STK32B: variants seen among roughly 807,000 people sequenced by gnomAD.
STK32B encodes the protein serine/threonine kinase 32B, also known as serine/threonine-protein kinase 32B.
STK32B carries 43 observed loss-of-function variants against 52.6 expected under a neutral mutation model. The ratio of observed to expected loss-of-function variants is 0.82; its 90% CI spans 0.64 to 1.05. STK32B has a LOEUF of 1.05. Among genes scored for constraint, STK32B ranks in the 50% least tolerant of loss-of-function variants. The pLI, the probability that STK32B is intolerant of heterozygous loss-of-function variation, is 0.00. For missense variants in STK32B, 621 were observed against 534.6 expected (o/e 1.16, Z -1.59); for synonymous variants, 238 against 204.3 (o/e 1.17, Z -1.41).
At chr4:5,444,877 T>C (rs13132680) in intron 6 of STK32B, among the ~76,000 whole-genome samples, 1 of 152,140 alleles carries the variant, frequency 6.6e-6, no homozygotes, top group Non-Finnish European at 1.5e-5. Context: ...TCTTCCTGTT[T>C]CCCAGGGCAC....
At chr4:5,490,182 C>A (rs1366198393) in intron 11 of STK32B, among the ~76,000 whole-genome samples, 2 of 151,612 alleles carry the variant, frequency 1.3e-5, no homozygotes, top group Admixed American at 6.6e-5. Flanking sequence ...TCTTGGCTCA[C>A]TGAAACCTCT....
intron 2 of STK32B, among the ~76,000 whole-genome samples, chr4:5,164,485 A>T (rs1348704550): frequency 2.0e-5 from 3 of 152,208 alleles, no homozygotes; most frequent in Non-Finnish European, 4.4e-5. Context: ...AAATAAGAGC[A>T]CTGTCTTAGT....
chr4:5,080,981 C>T (rs1236652525), intron 1 of STK32B, among the ~76,000 whole-genome samples: 5 of 152,184 alleles, frequency 3.3e-5, no homozygotes, highest in African/African-American at 4.8e-5. Context: ...GTCTTGACTA[C>T]AATCCTACTG....
intron 3 of STK32B, among the ~76,000 whole-genome samples, chr4:5,330,182 T>G (rs1016295577): frequency 6.6e-6 from 1 of 152,128 alleles, no homozygotes; most frequent in Non-Finnish European, 1.5e-5. Context: ...GCTGATTCGG[T>G]CTAATATCTG....
chr4:5,225,439 TAAAA>T (rs1723803400), intron 3 of STK32B, among the ~76,000 whole-genome samples: 1 of 152,016 alleles, frequency 6.6e-6, no homozygotes, highest in Non-Finnish European at 1.5e-5. Flanking sequence ...AACAACTAAA[TAAAA>T]ACTGAGGAAT....
intron 11 of STK32B, among the ~76,000 whole-genome samples, chr4:5,472,030 C>T (rs907069067): frequency 3.9e-5 from 6 of 152,210 alleles, no homozygotes; most frequent in Admixed American, 3.9e-4. Context: ...GGGAGAGAGA[C>T]GGTTCCTGCA....
At chr4:5,171,483 T>C (rs1437591424) in intron 3 of STK32B, among the ~76,000 whole-genome samples, 2 of 152,220 alleles carry the variant, frequency 1.3e-5, no homozygotes, top group Non-Finnish European at 2.9e-5. Flanking sequence ...TTAATTTTTG[T>C]ATAAGGTACA....
chr4:5,100,601 TCTTC>T (rs1713692360), intron 1 of STK32B, among the ~76,000 whole-genome samples: 3 of 141,304 alleles, frequency 2.1e-5, no homozygotes, highest in South Asian at 2.5e-4. Context: ...CTTCTTCCTT[TCTTC>T]CTTCCTTCCC....
rs142998198 is a variant in STK32B at position 5,216,550 on chromosome 4, T to C, written c.260+48100T>C. 2.7e-3 allele frequency among the ~76,000 whole-genome samples: 407 copies of C among 152,268 alleles called. 2 individuals carry two copies. The highest frequency in any genetic ancestry group is 9.5e-3 in the African/African-American group (395 of 41,562). ...ACCTGAAAAATAGATAGGAGGAGTT[T>C]GTACGACTGAAAAGAGGAGGGTGGG... On this transcript the variant is annotated intron_variant, in intron 3 of 11. Transcript: ENST00000282908.
chr4:5,249,716 C>T (rs61640033), intron 3 of STK32B, among the ~76,000 whole-genome samples: 1,582 of 152,234 alleles, frequency 0.01, 24 homozygotes, highest in African/African-American at 0.034. Context: ...CTATTTCCCA[C>T]GGTCTTAAAA....
At chr4:5,129,823 C>T (rs189701159) in intron 1 of STK32B, among the ~76,000 whole-genome samples, 5 of 152,328 alleles carry the variant, frequency 3.3e-5, no homozygotes, top group African/African-American at 9.6e-5. Flanking sequence ...CAAATGTGTA[C>T]AGCCAGCACT....
At chr4:5,373,642 C>T (rs1181417229) in intron 4 of STK32B, among the ~76,000 whole-genome samples, 6 of 152,184 alleles carry the variant, frequency 3.9e-5, no homozygotes, top group African/African-American at 7.2e-5. Flanking sequence ...TAGCAGCCCA[C>T]ACACCTTTGT....
rs972475637 is a variant in STK32B at position 5,334,819 on chromosome 4, GA to G, written c.434+3427del. Among the ~76,000 whole-genome samples the G allele has an allele frequency of 4.0e-3, 608 of 152,180 alleles. 2 individuals carry two copies. The highest frequency in any genetic ancestry group is 0.014 in the African/African-American group (562 of 41,482). On this transcript the variant is annotated intron_variant, in intron 4 of 11. Coordinates refer to ENST00000282908, the MANE Select transcript of STK32B (RefSeq NM_018401.3). ...TATTGAACCAGCCTTGCATCCTGGGGATGAAGCCCACTTGATCATGGTGGAT... is the reference window on the plus strand; with the variant it reads ...TATTGAACCAGCCTTGCATCCTGGGGTGAAGCCCACTTGATCATGGTGGAT...
rs28803307 is a variant in STK32B at position 5,250,813 on chromosome 4, G to A, written c.261-80407G>A. Among the ~76,000 whole-genome samples the A allele has an allele frequency of 6.6e-3, 1,003 of 152,166 alleles. 12 individuals carry two copies. The highest frequency in any genetic ancestry group is 0.022 in the African/African-American group (931 of 41,510). On this transcript the variant is annotated intron_variant, in intron 3 of 11. Transcript: ENST00000282908. ...TTTTCTTTTGCATTTATTTAGTGATGAGTGATGTTGAACATTTTTTCATAT... is the reference window on the plus strand; with the variant it reads ...TTTTCTTTTGCATTTATTTAGTGATAAGTGATGTTGAACATTTTTTCATAT...
intron 1 of STK32B, among the ~76,000 whole-genome samples, chr4:5,069,224 G>A (rs151096015): frequency 0.012 from 1,657 of 135,000 alleles, 38 homozygotes; most frequent in African/African-American, 0.044. Flanking sequence ...ATGGAGTCTC[G>A]CTCTGTCGCC....
At chr4:5,100,751 T>G (rs1713727807) in intron 1 of STK32B, among the ~76,000 whole-genome samples, 3 of 119,968 alleles carry the variant, frequency 2.5e-5, no homozygotes, top group Non-Finnish European at 3.4e-5. Context: ...TCCTCCCTCC[T>G]CCCTCCCTCC....
chr4:5,031,443 A>C, the STK32B span, among the ~76,000 whole-genome samples: 4 of 152,074 alleles, frequency 2.6e-5, no homozygotes, highest in African/African-American at 9.7e-5. Context: ...GTATAAAAAA[A>C]CAAAACTTAG....
chr4:5,304,424 T>G (rs1577318067), intron 3 of STK32B, among the ~76,000 whole-genome samples: 1 of 73,330 alleles, frequency 1.4e-5, no homozygotes, highest in Non-Finnish European at 2.1e-5. Flanking sequence ...TATTTTATGG[T>G]TTTTTTTTTT....
At chr4:5,190,030 G>A (rs1560209958) in intron 3 of STK32B, among the ~76,000 whole-genome samples, 1 of 152,154 alleles carries the variant, frequency 6.6e-6, no homozygotes, top group East Asian at 1.9e-4. Flanking sequence ...CATATGTGGA[G>A]AGCGTACATG....
Sources: allele counts gnomAD v4.1 joint callset (sites outside exome capture counted in the v4.1 genomes callset), GRCh38; gene constraint gnomAD v4.1.1; transcripts MANE v1.5; gene names NCBI Gene and HGNC (gene_info 2026-07-23, HGNC 2026-07-21).